CRADD: variants seen among roughly 807,000 people sequenced by gnomAD.
CRADD encodes the protein death domain-containing protein CRADD.
In CRADD, 9 loss-of-function variants were observed where a neutral mutation model predicts 15.5. The observed-to-expected ratio is 0.58, with a 90% CI of 0.35 to 1.01. CRADD has a LOEUF of 1.01. Among genes scored for constraint, CRADD ranks in the 50% least tolerant of loss-of-function variants. CRADD has a pLI of 0.02. For synonymous variants in CRADD, 118 were observed against 107.6 expected (o/e 1.10, Z -0.60); for missense variants, 227 against 250.3 (o/e 0.91, Z 0.63).
intron 2 of CRADD, among the ~76,000 whole-genome samples, chr12:93,808,468 G>A (rs1223177358): frequency 1.3e-5 from 2 of 152,090 alleles, no homozygotes; most frequent in Admixed American, 1.3e-4. Context: ...CCACCGTGGG[G>A]ATTATTACAA....
chr12:93,793,356 G>A (rs1390646107), intron 2 of CRADD, among the ~76,000 whole-genome samples: 1 of 152,138 alleles, frequency 6.6e-6, no homozygotes, highest in Non-Finnish European at 1.5e-5. Context: ...AAAACAAAAG[G>A]TGAACTTGGA....
Position 93,817,352 on chromosome 12 carries a change from A to C in CRADD, c.299-32618A>C, listed in dbSNP as rs1224662878. On this transcript the variant is annotated intron_variant, in intron 2 of 2. Coordinates refer to ENST00000332896, the MANE Select transcript of CRADD (RefSeq NM_003805.5). ...TGTGGAGTCGGGTTCGGGACAGGGA[A>C]CGTGGAGCTTAACCAGGCAAAGTGC... Among the ~76,000 whole-genome samples the C allele has an allele frequency of 2.0e-5, 3 of 152,274 alleles. No individual in the cohort carries two copies. In the East Asian group the frequency reaches 5.8e-4, roughly 29 times the overall value.
chr12:93,809,953 T>C (rs570010824), intron 2 of CRADD, among the ~76,000 whole-genome samples: 6 of 152,208 alleles, frequency 3.9e-5, no homozygotes, highest in Non-Finnish European at 8.8e-5. Flanking sequence ...ATTAGTCTTA[T>C]ATAACCTTCT....
At chr12:93,886,064 TA>T (rs1958534638) in intron 2 of CRADD, among the ~76,000 whole-genome samples, 1 of 151,568 alleles carries the variant, frequency 6.6e-6, no homozygotes, top group Non-Finnish European at 1.5e-5. Flanking sequence ...AGGATCTCTG[TA>T]GGATCCCAGG....
chr12:93,878,513 G>A (rs1487213628), intron 2 of CRADD, among the ~76,000 whole-genome samples: 2 of 152,128 alleles, frequency 1.3e-5, no homozygotes, highest in Non-Finnish European at 2.9e-5. Context: ...TAGGTCACAT[G>A]CCCCACCCCC....
chr12:93,764,538 G>A (rs1037280816), intron 2 of CRADD, among the ~76,000 whole-genome samples: 12 of 151,840 alleles, frequency 7.9e-5, no homozygotes, highest in African/African-American at 1.9e-4. Flanking sequence ...AAGTCATCTC[G>A]AAGTTTCAGA....
At chr12:93,823,272 A>G (rs987089366) in intron 2 of CRADD, among the ~76,000 whole-genome samples, 2 of 148,834 alleles carry the variant, frequency 1.3e-5, no homozygotes, top group Non-Finnish European at 3.0e-5. Flanking sequence ...AGCCTAGGAA[A>G]CAAGAGCGAA....
At chr12:93,806,710 A>G (rs1045140240) in intron 2 of CRADD, among the ~76,000 whole-genome samples, 1 of 152,138 alleles carries the variant, frequency 6.6e-6, no homozygotes, top group Non-Finnish European at 1.5e-5. Context: ...AAGGAGTAGA[A>G]GACATTACAT....
chr12:93,729,879 C>CTATA (rs1956434513), intron 2 of CRADD, among the ~76,000 whole-genome samples: 1 of 151,748 alleles, frequency 6.6e-6, no homozygotes, highest in Non-Finnish European at 1.5e-5. Flanking sequence ...AAAATGTTGG[C>CTATA]TATATATATA....
At chr12:93,711,055 C>CCCCCCCTTTTTTTTTT in intron 2 of CRADD, among the ~76,000 whole-genome samples, 1 of 43,508 alleles carries the variant, frequency 2.3e-5, no homozygotes, top group Non-Finnish European at 4.4e-5. Flanking sequence ...CCACCCCCGC[C>CCCCCCCTTTTTTTTTT]TTTTTTTTTT....
chr12:93,868,245 A>G (rs914551843), intron 2 of CRADD, among the ~76,000 whole-genome samples: 2 of 152,178 alleles, frequency 1.3e-5, no homozygotes, highest in Non-Finnish European at 2.9e-5. Flanking sequence ...CACAACCAAA[A>G]TGTTCATTAT....
At chr12:93,738,392 C>T (rs1251051667) in intron 2 of CRADD, 4 of 702,340 alleles carry the variant, frequency 5.7e-6, no homozygotes, top group South Asian at 1.5e-5. Flanking sequence ...GGAATTCTTC[C>T]ATGAGATGCA....
intron 2 of CRADD, among the ~76,000 whole-genome samples, chr12:93,745,638 T>A (rs1018979194): frequency 1.3e-5 from 2 of 152,248 alleles, no homozygotes; most frequent in African/African-American, 4.8e-5. Context: ...CTTAGCCATA[T>A]ATCTCAGGTG....
chr12:93,885,728 A>G (rs1958532172), intron 2 of CRADD, among the ~76,000 whole-genome samples: 2 of 152,212 alleles, frequency 1.3e-5, no homozygotes, highest in African/African-American at 4.8e-5. Context: ...GGATGAAAGA[A>G]GATCCTAACT....
intron 2 of CRADD, among the ~76,000 whole-genome samples, chr12:93,846,802 G>A (rs1441781508): frequency 6.6e-6 from 1 of 152,158 alleles, no homozygotes; most frequent in Non-Finnish European, 1.5e-5. Context: ...CTGAATCTTT[G>A]GTTAGAAGGT....
rs186908972 is a variant in CRADD, at chr12:93,742,746, C to G, written c.298+63674C>G. Among the ~76,000 whole-genome samples, 347 of 152,244 alleles carry G rather than the reference C, an allele frequency of 2.3e-3. 1 individual carries two copies. Among genetic ancestry groups the G allele is most frequent in the African/African-American group, 7.9e-3 (327 of 41,544 alleles). On this transcript the variant is annotated intron_variant, in intron 2 of 2. Coordinates refer to ENST00000332896, the MANE Select transcript of CRADD (RefSeq NM_003805.5). ...CTTCCGACTGCCCGCCTCCCACTGT[C>G]GGTAAAAATGAGCCGTCACAGGTTG...
chr12:93,814,734 A>G (rs1957671941), intron 2 of CRADD, among the ~76,000 whole-genome samples: 1 of 152,202 alleles, frequency 6.6e-6, no homozygotes, highest in Non-Finnish European at 1.5e-5. Flanking sequence ...TCAAGTAAGG[A>G]CACAAGCAAA....
At chr12:93,804,434 C>G (rs1036388162) in intron 2 of CRADD, among the ~76,000 whole-genome samples, 1 of 152,076 alleles carries the variant, frequency 6.6e-6, no homozygotes, top group African/African-American at 2.4e-5. Context: ...GGAAATTTTC[C>G]GTTTTCATCC....
At chr12:93,776,086 A>C (rs899229650) in intron 2 of CRADD, among the ~76,000 whole-genome samples, 2 of 152,312 alleles carry the variant, frequency 1.3e-5, no homozygotes, top group Non-Finnish European at 1.5e-5. Flanking sequence ...TTTATCTGAG[A>C]GAACCCATTT....
Sources: allele counts gnomAD v4.1 joint callset (sites outside exome capture counted in the v4.1 genomes callset), GRCh38; gene constraint gnomAD v4.1.1; transcripts MANE v1.5; gene names NCBI Gene and HGNC (gene_info 2026-07-23, HGNC 2026-07-21).